Variants in ABHD12 observed in about 807,000 individuals in gnomAD.
ABHD12 encodes lysophosphatidylserine lipase ABHD12.
In ABHD12, 43 loss-of-function variants were observed where a neutral mutation model predicts 58.3. The ratio of observed to expected loss-of-function variants is 0.74; its 90% CI spans 0.58 to 0.95. ABHD12 has a LOEUF of 0.95. Among genes scored for constraint, ABHD12 ranks in the 40% least tolerant of loss-of-function variants. The probability of loss-of-function intolerance (pLI) is 0.00; values close to 1 mark genes in which losing one functional copy is unlikely to be tolerated. For missense variants in ABHD12, 539 were observed against 537.2 expected (o/e 1.00, Z -0.03); for synonymous variants, 219 against 211.2 (o/e 1.04, Z -0.32).
intron 1 of ABHD12, among the ~76,000 whole-genome samples, chr20:25,376,332 C>T (rs1346518716): frequency 6.6e-6 from 1 of 152,180 alleles, no homozygotes; most frequent in African/African-American, 2.4e-5. Context: ...TAACAACAAT[C>T]TCCATAATCA....
At chr20:25,295,811 G>A (rs909986464), downstream of ABHD12, 24 of 929,206 alleles carry the variant, frequency 2.6e-5, no homozygotes, top group African/African-American at 1.8e-4. Flanking sequence ...GTCATCAGTC[G>A]GCTGTGCCTG....
intron 1 of ABHD12, among the ~76,000 whole-genome samples, chr20:25,385,746 G>C (rs933259181): frequency 6.6e-6 from 1 of 152,060 alleles, no homozygotes; most frequent in African/African-American, 2.4e-5. Flanking sequence ...AGTTTTACAA[G>C]AGAATTTCTA....
intron 1 of ABHD12, among the ~76,000 whole-genome samples, chr20:25,388,790 T>TTTTC (rs1555827343): frequency 5.9e-5 from 7 of 119,120 alleles, no homozygotes; most frequent in Admixed American, 2.3e-4. Flanking sequence ...ATTTTTTCTT[T>TTTTC]TTTTTTTTTT....
chr20:25,370,003 T>C (rs999812809), intron 1 of ABHD12, among the ~76,000 whole-genome samples: 13 of 151,956 alleles, frequency 8.6e-5, no homozygotes, highest in Admixed American at 8.5e-4. Flanking sequence ...AAGTGGGTCC[T>C]TGCCCTTTGT....
At position 25,317,072 on chromosome 20, in the gene ABHD12, G is replaced by C; in HGVS notation, c.549C>G (p.Gly183=). 6.2e-7 allele frequency: 1 copy of C among 1,611,574 alleles called. No individual in the cohort carries two copies. The highest frequency in any genetic ancestry group is 8.5e-7 in the Non-Finnish European group (1 of 1,178,638). ...CCTTGTAAAGCTCCACGCGGTGGTC[G>C]CCTCCTCTGGAGAAGAAAACAGGAC... The part of the protein sequence containing the change: ...YLHGNAGTRG[G]DHRVELYKVL... The change falls in exon 5 of 13, where the codon GGC becomes GGG. Residue 183 remains glycine, a synonymous_variant. Coordinates refer to ENST00000339157, the MANE Select transcript of ABHD12 (RefSeq NM_001042472.3).
chr20:25,326,345 G>A lies in ABHD12; in HGVS notation c.317-2915C>T, dbSNP rs1008329029. Among the ~76,000 whole-genome samples, 5 of 152,336 alleles carry A rather than the reference G, an allele frequency of 3.3e-5. No homozygotes were observed. The East Asian group carries it at 7.7e-4, about 23-fold the overall frequency. The stretch of plus-strand genomic sequence containing the variant: ...GACTTATAGCGCCAATAAAAGCCCC[G>A]TGGGTAAAACTGGCCTCATAACTTG... On this transcript the variant is annotated intron_variant, in intron 2 of 12. Coordinates refer to ENST00000339157, the MANE Select transcript of ABHD12 (RefSeq NM_001042472.3).
At chr20:25,338,760 G>C in intron 2 of ABHD12, 1 of 987,040 alleles carries the variant, frequency 1.0e-6, no homozygotes, top group Non-Finnish European at 1.2e-6. Context: ...TTTTTTTAAA[G>C]GTACTATATT....
At chr20:25,360,448 C>T (rs1600851574) in intron 1 of ABHD12, among the ~76,000 whole-genome samples, 1 of 151,806 alleles carries the variant, frequency 6.6e-6, no homozygotes, top group East Asian at 1.9e-4. Context: ...ACCATATTGG[C>T]CAGGCTGGTC....
chr20:25,390,556 G>A lies in ABHD12; in HGVS notation c.148C>T (p.Pro50Ser). 5 of 1,471,282 alleles carry A rather than the reference G, an allele frequency of 3.4e-6. No individual in the cohort carries two copies. Among genetic ancestry groups the A allele is most frequent in the South Asian group, 1.3e-5 (1 of 79,008 alleles). 91.1% of individuals were successfully genotyped at this position (1,471,282 alleles called of 1,614,324 possible). The change falls in exon 1 of 13, where the codon CCG (proline) becomes TCG (serine). Residue 50 changes from proline (P) to serine (S), a missense_variant. Transcript: ENST00000339157. ...LRLTGPAAAE[P>S]RCAADAGMKR... ...ATTCCCGCGTCGGCTGCGCAGCGCG[G>A]CTCAGCCGCCGCCGGGCCCGTCAGG...
chr20:25,312,080 A>G (rs1351387264), intron 6 of ABHD12, among the ~76,000 whole-genome samples: 1 of 152,026 alleles, frequency 6.6e-6, no homozygotes, highest in Non-Finnish European at 1.5e-5. Flanking sequence ...ACACTTCGGG[A>G]GGCCAAGGTG....
chr20:25,328,221 G>C (rs964644407), intron 2 of ABHD12, among the ~76,000 whole-genome samples: 1 of 152,158 alleles, frequency 6.6e-6, no homozygotes, highest in Non-Finnish European at 1.5e-5. Context: ...TCAGGATCTG[G>C]AGTGGGAAAG....
At chr20:25,359,124 A>G (rs1318638598) in intron 1 of ABHD12, among the ~76,000 whole-genome samples, 2 of 151,256 alleles carry the variant, frequency 1.3e-5, no homozygotes, top group South Asian at 2.1e-4. Flanking sequence ...AAAAAATTGC[A>G]TATAACATTT....
chr20:25,298,226 A>G (rs370425475), downstream of ABHD12, among the ~76,000 whole-genome samples: 2 of 151,710 alleles, frequency 1.3e-5, no homozygotes, highest in Admixed American at 1.3e-4. Context: ...CATCTCCACT[A>G]GGTGTGGAAC....
At chr20:25,384,223 C>T (rs1418003182) in intron 1 of ABHD12, among the ~76,000 whole-genome samples, 1 of 151,292 alleles carries the variant, frequency 6.6e-6, no homozygotes, top group Non-Finnish European at 1.5e-5. Context: ...CAAAACTGAT[C>T]TAGTTCCTCG....
At chr20:25,373,546 C>CA (rs1311534608) in intron 1 of ABHD12, among the ~76,000 whole-genome samples, 235 of 144,790 alleles carry the variant, frequency 1.6e-3, no homozygotes, top group East Asian at 5.0e-3. Flanking sequence ...GACACCGTCT[C>CA]AAAAAAAAAA....
intron 1 of ABHD12, among the ~76,000 whole-genome samples, chr20:25,363,386 T>G (rs1434433737): frequency 6.6e-6 from 1 of 151,758 alleles, no homozygotes; most frequent in Non-Finnish European, 1.5e-5. Context: ...GCCCAGCTAA[T>G]TTTTGTATTT....
intron 2 of ABHD12, among the ~76,000 whole-genome samples, chr20:25,335,187 C>CA (rs1348409287): frequency 2.0e-5 from 3 of 152,014 alleles, no homozygotes; most frequent in Admixed American, 6.6e-5. Context: ...GTTATGTAGC[C>CA]AAAAAAACAC....
intron 1 of ABHD12, among the ~76,000 whole-genome samples, chr20:25,365,136 C>T (rs2089802444): frequency 1.3e-5 from 2 of 152,214 alleles, no homozygotes; most frequent in South Asian, 4.1e-4. Context: ...ACTCTACATG[C>T]TCATTTTTGT....
intron 8 of ABHD12, among the ~76,000 whole-genome samples, chr20:25,308,246 C>G (rs913405558): frequency 6.6e-6 from 1 of 152,226 alleles, no homozygotes; most frequent in Non-Finnish European, 1.5e-5. Context: ...AAAAAGCAGA[C>G]TTGCTGATGC....
Sources: gnomAD v4.1 joint callset for allele counts (sites outside exome capture counted in the v4.1 genomes callset) on GRCh38, gnomAD v4.1.1 for gene constraint, MANE v1.5 for transcripts, NCBI Gene and HGNC (gene_info 2026-07-23, HGNC 2026-07-21) for gene names.